Variants in FMN1 observed in about 807,000 individuals in gnomAD.
FMN1 encodes the protein formin 1, also known as formin-1.
A neutral mutation model predicts 132.4 loss-of-function variants in FMN1; 110 were observed. That is an observed-to-expected ratio of 0.83 (90% CI 0.71 to 0.97). The LOEUF is 0.97. FMN1 is among the 50% of genes least tolerant of loss of function. The pLI is 0.00. For synonymous variants in FMN1, 722 were observed against 651.7 expected (o/e 1.11, Z -1.64); for missense variants, 1,792 against 1,705.3 (o/e 1.05, Z -0.90).
intron 6 of FMN1, among the ~76,000 whole-genome samples, chr15:33,016,607 C>T (rs2035060038): frequency 6.6e-6 from 1 of 152,232 alleles, no homozygotes; most frequent in African/African-American, 2.4e-5. Flanking sequence ...CTGGGTGTCT[C>T]AGGCTAGCAG....
intron 9 of FMN1, among the ~76,000 whole-genome samples, chr15:32,952,995 C>A (rs2061687537): frequency 1.3e-5 from 2 of 152,198 alleles, no homozygotes. Flanking sequence ...AAAGGCAGTC[C>A]TCCCCACACT....
At chr15:32,892,188 G>A (rs964650871) in intron 15 of FMN1, among the ~76,000 whole-genome samples, 17 of 152,094 alleles carry the variant, frequency 1.1e-4, no homozygotes, top group Non-Finnish European at 2.2e-4. Flanking sequence ...TGTTGGCTGG[G>A]GGTTTGTCAT....
At chr15:32,808,406 G>A (rs1048213935) in intron 17 of FMN1, among the ~76,000 whole-genome samples, 1 of 152,232 alleles carries the variant, frequency 6.6e-6, no homozygotes. Flanking sequence ...GCCAGTCTTT[G>A]CAGTCAGGTC....
chr15:32,898,757 C>T (rs2060220805), intron 15 of FMN1, 77 bp downstream of exon 15: 4 of 942,900 alleles, frequency 4.2e-6, no homozygotes, highest in Non-Finnish European at 6.8e-6. Context: ...TTCGTTCATC[C>T]ATCTATCCAT....
At chr15:33,021,894 T>G (rs1258976462) in intron 6 of FMN1, among the ~76,000 whole-genome samples, 1 of 152,194 alleles carries the variant, frequency 6.6e-6, no homozygotes, top group African/African-American at 2.4e-5. Flanking sequence ...CAACAACAGT[T>G]AAATAATGGC....
chr15:32,798,720 T>C, intron 19 of FMN1, 84 bp downstream of exon 19: 1 of 1,218,818 alleles, frequency 8.2e-7, no homozygotes, highest in Non-Finnish European at 1.1e-6. Flanking sequence ...TCGACAGGTG[T>C]GAAATAGACA....
At position 32,767,782 on chromosome 15, in the gene FMN1, T is replaced by A. The variant is rs2056096223; in HGVS notation, c.*6528A>T. The A allele has an allele frequency of 1.3e-5, 2 of 152,264 alleles. No individual in the cohort carries two copies. The highest frequency in any genetic ancestry group is 4.8e-5 in the African/African-American group (2 of 41,532). The allele number at this position is 152,264 out of a possible 1,614,324, so 9.4% of individuals were successfully genotyped here. ...TTTTGGAGTAGACCTATCCCTTAGG[T>A]AGATCCCCAAAACCTATTTGTGTCA... On this transcript the variant is annotated 3_prime_UTR_variant, in exon 21 of 21. Transcript: ENST00000616417.
chr15:32,930,523 A>G (rs2061086006), intron 9 of FMN1, among the ~76,000 whole-genome samples: 1 of 151,786 alleles, frequency 6.6e-6, no homozygotes, highest in Non-Finnish European at 1.5e-5. Context: ...TTCCTTATAC[A>G]TATTGGCCAT....
chr15:32,904,541 A>C (rs1449592187), intron 12 of FMN1, among the ~76,000 whole-genome samples: 2 of 152,160 alleles, frequency 1.3e-5, no homozygotes, highest in African/African-American at 4.8e-5. Flanking sequence ...AGGAAAGGTA[A>C]GAGGGGCTTG....
At chr15:33,042,843 C>A (rs1055161159) in intron 6 of FMN1, among the ~76,000 whole-genome samples, 1 of 151,810 alleles carries the variant, frequency 6.6e-6, no homozygotes, top group Admixed American at 6.6e-5. Flanking sequence ...CAGAGTCACA[C>A]AGCCAGTAGC....
At chr15:32,982,117 G>A (rs2032724709) in intron 7 of FMN1, among the ~76,000 whole-genome samples, 1 of 152,142 alleles carries the variant, frequency 6.6e-6, no homozygotes, top group Admixed American at 6.5e-5. Context: ...TATACGAATA[G>A]CAAATAAGCA....
intron 6 of FMN1, among the ~76,000 whole-genome samples, chr15:33,024,557 A>G (rs952729206): frequency 6.6e-6 from 1 of 152,136 alleles, no homozygotes; most frequent in African/African-American, 2.4e-5. Context: ...AGATTTAAAA[A>G]TATTAATTAG....
chr15:32,910,588 C>A, intron 10 of FMN1, 53 bp from the exon 11 acceptor site: 1 of 1,330,454 alleles, frequency 7.5e-7, no homozygotes, highest in Non-Finnish European at 1.1e-6. Context: ...AGGTCCCCTG[C>A]ACCAATGTTT....
intron 3 of FMN1, among the ~76,000 whole-genome samples, chr15:33,173,229 T>C (rs966055920): frequency 5.3e-5 from 8 of 151,506 alleles, no homozygotes; most frequent in African/African-American, 1.7e-4. Context: ...GAGGAGGACA[T>C]AATTGGTTAC....
chr15:33,018,310 A>G (rs2035190503), intron 6 of FMN1, among the ~76,000 whole-genome samples: 1 of 152,098 alleles, frequency 6.6e-6, no homozygotes. Flanking sequence ...AATAACTGGA[A>G]GCCTTTAGGT....
intron 17 of FMN1, among the ~76,000 whole-genome samples, chr15:32,843,982 T>C (rs1408827738): frequency 6.6e-6 from 1 of 152,200 alleles, no homozygotes; most frequent in Non-Finnish European, 1.5e-5. Context: ...AAAAATGTTA[T>C]AAATAAATCA....
At chr15:33,161,696 A>G (rs1595584251) in intron 3 of FMN1, among the ~76,000 whole-genome samples, 1 of 152,064 alleles carries the variant, frequency 6.6e-6, no homozygotes, top group African/African-American at 2.4e-5. Flanking sequence ...AGGCGGGCGG[A>G]TCACAAGGTC....
At chr15:33,059,121 A>ATT (rs2141218064) in intron 6 of FMN1, among the ~76,000 whole-genome samples, 1 of 152,272 alleles carries the variant, frequency 6.6e-6, no homozygotes, top group African/African-American at 2.4e-5. Context: ...TAGATTCCAC[A>ATT]TATAAGTAAG....
chr15:32,871,548 A>G (rs2059517424), intron 16 of FMN1, among the ~76,000 whole-genome samples: 1 of 152,148 alleles, frequency 6.6e-6, no homozygotes, highest in African/African-American at 2.4e-5. Flanking sequence ...TCTCATGGGG[A>G]GTCAGGCTTG....
Sources: gnomAD v4.1 joint callset for allele counts (sites outside exome capture counted in the v4.1 genomes callset) on GRCh38, gnomAD v4.1.1 for gene constraint, MANE v1.5 for transcripts, NCBI Gene and HGNC (gene_info 2026-07-23, HGNC 2026-07-21) for gene names.